KLB: variants seen among roughly 807,000 people sequenced by gnomAD.
KLB encodes the protein klotho beta, also known as beta-klotho.
Under a neutral mutation model 88.4 loss-of-function variants are expected in KLB, and 44 were observed. That is an observed-to-expected ratio of 0.50 (90% CI 0.39 to 0.64). KLB has a LOEUF of 0.64. Among genes scored for constraint, KLB ranks in the 30% least tolerant of loss-of-function variants. The pLI, the probability that KLB is intolerant of heterozygous loss-of-function variation, is 0.00. For synonymous variants in KLB, 548 were observed against 513.4 expected (o/e 1.07, Z -0.91); for missense variants, 1,137 against 1,304.8 (o/e 0.87, Z 1.98).
chr4:39,437,653 A>G (rs1743508597), intron 2 of KLB, 74 bp from the exon 3 acceptor site: 2 of 1,484,840 alleles, frequency 1.3e-6, no homozygotes, highest in African/African-American at 1.4e-5. Flanking sequence ...GTCCTCTGGC[A>G]TGTTAGTGAA....
chr4:39,450,816 T>A lies in KLB; in HGVS notation c.*2130T>A, dbSNP rs1443194773. The A allele has an allele frequency of 6.8e-6, 1 of 148,062 alleles. No homozygotes were observed. The highest frequency in any genetic ancestry group is 1.5e-5 in the Non-Finnish European group (1 of 67,564). 9.2% of individuals were successfully genotyped at this position (148,062 alleles called of 1,614,324 possible). A position where few individuals can be genotyped will look rare whatever the true frequency, so the allele number is the denominator to read the frequency against. ...GAACTCCAGGGAAAATTCTTTAATG[T>A]CAACTGGGCAACTCATTAACCTCTC... is the stretch of plus-strand genomic sequence containing the variant. On this transcript the variant is annotated 3_prime_UTR_variant, in exon 5 of 5. Transcript: ENST00000257408.
rs1743898440 is a variant in KLB, at chr4:39,451,460, T to C, written c.*2774T>C. The C allele has an allele frequency of 6.6e-6, 1 of 152,256 alleles. No homozygotes were observed. Among genetic ancestry groups the C allele is most frequent in the South Asian group, 2.1e-4 (1 of 4,834 alleles). The allele number at this position is 152,256 out of a possible 1,614,324, so 9.4% of individuals were successfully genotyped here. The stretch of plus-strand genomic sequence containing the variant: ...TCTGGAAAATGAGGCCAGTACAGTG[T>C]GACTACATGTTTAATTTTCAATGTA... On this transcript the variant is annotated 3_prime_UTR_variant, in exon 5 of 5. Transcript: ENST00000257408.
intron 1 of KLB, among the ~76,000 whole-genome samples, chr4:39,408,156 T>C (rs1246883403): frequency 6.6e-6 from 1 of 152,198 alleles, no homozygotes; most frequent in Non-Finnish European, 1.5e-5. Context: ...ATTTCAAATA[T>C]GTATTTGTTG....
chr4:39,434,729 T>C lies in KLB; in HGVS notation c.1336+9T>C. 3 of 1,572,084 alleles carry C rather than the reference T, an allele frequency of 1.9e-6. No individual in the cohort carries two copies. Among genetic ancestry groups the C allele is most frequent in the South Asian group, 1.2e-5 (1 of 84,882 alleles). On this transcript the variant is annotated intron_variant, in intron 2 of 4. Coordinates refer to ENST00000257408, the MANE Select transcript of KLB (RefSeq NM_175737.4). ...CAGCCAGGTGCTTCAAGGTTGGTTG[T>C]ACACTTGCTTAATTTTTTAAAAATT... is the stretch of plus-strand genomic sequence containing the variant.
chr4:39,415,740 T>C (rs900222303), intron 1 of KLB, among the ~76,000 whole-genome samples: 17 of 152,266 alleles, frequency 1.1e-4, no homozygotes, highest in Non-Finnish European at 1.9e-4. Flanking sequence ...TCAACGCTTT[T>C]TATATTTTTT....
At chr4:39,408,686 C>G (rs964427670) in intron 1 of KLB, among the ~76,000 whole-genome samples, 3 of 151,834 alleles carry the variant, frequency 2.0e-5, no homozygotes, top group Non-Finnish European at 4.4e-5. Context: ...TTTTAAATGA[C>G]AACATAATTA....
At chr4:39,415,459 A>C (rs1578201767) in intron 1 of KLB, among the ~76,000 whole-genome samples, 1 of 152,156 alleles carries the variant, frequency 6.6e-6, no homozygotes, top group East Asian at 1.9e-4. Context: ...ATGCCTCTGC[A>C]CTCCAGCTTG....
At position 39,434,245 on chromosome 4, in the gene KLB, T is replaced by C. The variant is rs893120882; in HGVS notation, c.861T>C (p.His287=). 6.8e-6 allele frequency: 11 copies of C among 1,613,406 alleles called. No homozygotes were observed. The African/African-American group carries it at 8.0e-5, about 12-fold the overall frequency. The change falls in exon 2 of 5, where the codon CAT becomes CAC. Residue 287 remains histidine (H), a synonymous_variant. Coordinates refer to ENST00000257408, the MANE Select transcript of KLB (RefSeq NM_175737.4). ...AAGTTTGGCATAACTACAACACACA[T>C]TTCCGCCCACATCAGAAGGGTTGGT... ...HSKVWHNYNT[H]FRPHQKGWLS... is the part of the protein sequence containing the mutation.
rs761068030 is a variant in KLB, at chr4:39,446,575, C to T, written c.1849C>T (p.Arg617Ter). ...LPTGNLSAVN[R>*]QALRYYRCVV... The stretch of plus-strand genomic sequence containing the variant: ...CACTGGCAACCTGTCCGCGGTGAAC[C>T]GACAGGCCCTGAGGTACTACAGGTG... The change falls in exon 4 of 5, where the codon CGA becomes TGA. Residue 617 changes from arginine (R) to a stop codon, truncating the protein, a stop_gained. Transcript: ENST00000257408. LOFTEE classifies it high-confidence loss of function. The surrounding 1 kb of genome is among the most constrained non-coding windows in gnomAD (Gnocchi z 6.4). 5 of 1,614,226 alleles carry T rather than the reference C, an allele frequency of 3.1e-6. No homozygotes were observed. Among genetic ancestry groups the T allele is most frequent in the Non-Finnish European group, 2.5e-6 (3 of 1,180,024 alleles).
intron 3 of KLB, among the ~76,000 whole-genome samples, chr4:39,442,137 A>G (rs1055173782): frequency 1.3e-5 from 2 of 151,922 alleles, no homozygotes; most frequent in African/African-American, 4.8e-5. Context: ...CCATCTACTC[A>G]GGAGGCTGAG....
Position 39,448,303 on chromosome 4 carries a change from T to A in KLB, c.2752T>A (p.Tyr918Asn). The stretch of plus-strand genomic sequence containing the variant: ...TGTTAATTTCTTATCTTTTTCAGCA[T>A]ACCTGATTGATAAAGTCAGAATCAA... The part of the protein sequence containing the change: ...GKYLQEVLKA[Y>N]LIDKVRIKGY... The change falls in exon 5 of 5, where the codon TAC becomes AAC. Residue 918 changes from tyrosine to asparagine, a missense_variant and splice_region_variant. This residue lies in a region of KLB where 426 missense variants were observed against 404.6 expected (regional missense o/e 1.05). Transcript: ENST00000257408. 1 of 1,579,366 alleles carries A rather than the reference T, an allele frequency of 6.3e-7. No homozygotes were observed. The highest frequency in any genetic ancestry group is 8.6e-7 in the Non-Finnish European group (1 of 1,160,378).
chr4:39,424,890 A>G (rs1016099945), intron 1 of KLB, among the ~76,000 whole-genome samples: 3 of 151,916 alleles, frequency 2.0e-5, no homozygotes, highest in African/African-American at 4.8e-5. Context: ...CGGCCTCCCA[A>G]AGTGCTGGGA....
chr4:39,430,593 A>ATTTTTTT (rs373054180), intron 1 of KLB, among the ~76,000 whole-genome samples: 1 of 87,678 alleles, frequency 1.1e-5, no homozygotes, highest in Non-Finnish European at 2.2e-5. Context: ...CTGAGAGGAA[A>ATTTTTTT]TTTTTTTTTT....
chr4:39,445,225 G>A (rs1743709039), intron 3 of KLB, among the ~76,000 whole-genome samples: 1 of 152,090 alleles, frequency 6.6e-6, no homozygotes, highest in Admixed American at 6.5e-5. Flanking sequence ...CCTGTGAGGT[G>A]GGTGCGATTA....
chr4:39,417,182 C>G (rs545291494), intron 1 of KLB, among the ~76,000 whole-genome samples: 17 of 151,504 alleles, frequency 1.1e-4, no homozygotes, highest in African/African-American at 3.9e-4. Flanking sequence ...AGTCTTATAG[C>G]TAAAAAATTA....
chr4:39,434,330 A>G lies in KLB; in HGVS notation c.946A>G (p.Ile316Val), dbSNP rs894886656. ...AAACCGGTCGGAAAACACGATGGAT[A>G]TATTCAAATGTCAACAATCCATGGT... is the stretch of plus-strand genomic sequence containing the variant. ...EPNRSENTMD[I>V]FKCQQSMVSV... The change falls in exon 2 of 5, where the codon ATA becomes GTA. Residue 316 changes from isoleucine to valine, a missense_variant. Ile to Val is a conservative substitution (Grantham distance 29, BLOSUM62 3). Around this residue, in one of 4 missense-constraint regions of KLB, gnomAD observed 597 missense variants for 765.2 expected, o/e 0.78. Transcript: ENST00000257408. 1.1e-5 allele frequency: 17 copies of G among 1,614,092 alleles called. No homozygotes were observed. In the Admixed American group the frequency reaches 2.5e-4, roughly 24 times the overall value.
At chr4:39,424,626 G>T (rs1009723997) in intron 1 of KLB, among the ~76,000 whole-genome samples, 1 of 151,200 alleles carries the variant, frequency 6.6e-6, no homozygotes, top group Admixed American at 6.6e-5. Context: ...CTCCATGGTG[G>T]TTTCTTTTTC....
At chr4:39,438,620 A>C (rs1743531624) in intron 3 of KLB, among the ~76,000 whole-genome samples, 1 of 152,128 alleles carries the variant, frequency 6.6e-6, no homozygotes, top group Non-Finnish European at 1.5e-5. Flanking sequence ...CATACTTATC[A>C]CCTGTCTTCC....
intron 1 of KLB, among the ~76,000 whole-genome samples, chr4:39,419,410 C>T (rs1353596749): frequency 1.4e-5 from 2 of 141,634 alleles, no homozygotes; most frequent in East Asian, 2.2e-4. Context: ...CTTTACATGA[C>T]TTTATAATAT....
Sources: allele counts gnomAD v4.1 joint callset (sites outside exome capture counted in the v4.1 genomes callset), GRCh38; gene constraint gnomAD v4.1.1; regional missense constraint gnomAD v4.1.1; non-coding constraint Gnocchi (gnomAD v3.1); transcripts MANE v1.5; gene names NCBI Gene and HGNC (gene_info 2026-07-23, HGNC 2026-07-21).